The following ESRRB variants were observed in gnomAD, a reference collection of about 807,000 sequenced individuals.
ESRRB encodes the protein steroid hormone receptor ERR2.
In ESRRB, 16 loss-of-function variants were observed where a neutral mutation model predicts 46.0. The observed-to-expected ratio is 0.35, with a 90% confidence interval of 0.24 to 0.53. The LOEUF (loss-of-function observed/expected upper bound fraction) is 0.53, where lower values mean the gene tolerates loss of function less well. Ranked by LOEUF, ESRRB falls within the 20% of genes least tolerant of loss-of-function variation. The probability of loss-of-function intolerance (pLI) is 0.93; values close to 1 mark genes in which losing one functional copy is unlikely to be tolerated. For missense variants in ESRRB, 488 were observed against 607.4 expected, an observed-to-expected ratio of 0.80 and a Z score of 2.07; for synonymous variants, 246 against 259.6, an observed-to-expected ratio of 0.95 and a Z score of 0.50.
intron 3 of ESRRB, among the ~76,000 whole-genome samples, chr14:76,467,243 G>A (rs1204534776): frequency 1.3e-5 from 2 of 150,784 alleles, no homozygotes; most frequent in Admixed American, 1.3e-4. Context: ...GCTCATGCCT[G>A]TAATCCCAGC....
chr14:76,487,016 G>A (rs1293827596), intron 5 of ESRRB, among the ~76,000 whole-genome samples: 1 of 152,150 alleles, frequency 6.6e-6, no homozygotes, highest in Non-Finnish European at 1.5e-5. Context: ...CAGATGGGTC[G>A]AAATTAAGAG....
intron 1 of ESRRB, among the ~76,000 whole-genome samples, chr14:76,401,679 T>C (rs1164267444): frequency 1.3e-5 from 2 of 152,202 alleles, no homozygotes; most frequent in Non-Finnish European, 2.9e-5. Flanking sequence ...TACAGGTTTA[T>C]AGCCTAGGAG....
chr14:76,396,050 G>A (rs1244182096), intron 1 of ESRRB, among the ~76,000 whole-genome samples: 2 of 152,160 alleles, frequency 1.3e-5, no homozygotes, highest in Non-Finnish European at 2.9e-5. Context: ...GTGCGTGCCT[G>A]TAGTCCCAGC....
At chr14:76,396,590 G>A (rs927393638) in intron 1 of ESRRB, among the ~76,000 whole-genome samples, 5 of 152,204 alleles carry the variant, frequency 3.3e-5, no homozygotes, top group African/African-American at 1.2e-4. Flanking sequence ...AAATACAAAG[G>A]ATCCTTATGA....
At chr14:76,413,971 C>CT (rs1886562805) in intron 1 of ESRRB, among the ~76,000 whole-genome samples, 1 of 70,838 alleles carries the variant, frequency 1.4e-5, no homozygotes, top group Non-Finnish European at 2.8e-5. Flanking sequence ...TGCACCGTCC[C>CT]CGCCCCTGCA....
chr14:76,414,095 TCGCCCCTGCACCGTCCC>T (rs1225062140), intron 1 of ESRRB, among the ~76,000 whole-genome samples: 1 of 1,440 alleles, frequency 6.9e-4, no homozygotes, highest in Non-Finnish European at 1.1e-3. Context: ...GCACCATCCC[TCGCCCCTGCACCGTCCC>T]CGCCCCTGCA....
At chr14:76,370,320 C>T (rs965365982), upstream of ESRRB, among the ~76,000 whole-genome samples, 2 of 151,438 alleles carry the variant, frequency 1.3e-5, no homozygotes, top group Non-Finnish European at 2.9e-5. Context: ...ATTACTTGAA[C>T]TCGGGAGACG....
intron 5 of ESRRB, among the ~76,000 whole-genome samples, chr14:76,487,966 T>C (rs192367346): frequency 4.3e-4 from 65 of 152,320 alleles, no homozygotes; most frequent in African/African-American, 1.4e-3. Flanking sequence ...TATTTTATTT[T>C]TAATTTAATT....
At chr14:76,355,416 C>T (rs1884368139) in intron 1 of ESRRB, among the ~76,000 whole-genome samples, 1 of 152,170 alleles carries the variant, frequency 6.6e-6, no homozygotes, top group Non-Finnish European at 1.5e-5. Context: ...CAGCCCAAGC[C>T]TCACCACTCC....
chr14:76,402,530 C>A (rs1194949564), intron 1 of ESRRB, among the ~76,000 whole-genome samples: 2 of 152,136 alleles, frequency 1.3e-5, no homozygotes, highest in African/African-American at 4.8e-5. Flanking sequence ...TTGGGAAACA[C>A]CACCCTGGAG....
At chr14:76,367,423 G>A (rs1280552842), upstream of ESRRB, among the ~76,000 whole-genome samples, 2 of 152,058 alleles carry the variant, frequency 1.3e-5, no homozygotes, top group Non-Finnish European at 2.9e-5. Flanking sequence ...TGGATGTGGT[G>A]GCACACACCT....
At chr14:76,407,237 A>T (rs1886227152) in intron 1 of ESRRB, among the ~76,000 whole-genome samples, 1 of 152,236 alleles carries the variant, frequency 6.6e-6, no homozygotes, top group Admixed American at 6.5e-5. Flanking sequence ...TGAATTTAAC[A>T]AACTCTTTGG....
In ESRRB at chr14:76,435,227, A is replaced by G. The variant is rs147616511; in HGVS notation, c.51-4114A>G. 4.8e-4 allele frequency among the ~76,000 whole-genome samples: 73 copies of G among 152,322 alleles called. 1 individual carries two copies. In the East Asian group the frequency reaches 0.012, roughly 25 times the overall value. ...GCCTGGAAGGAATTTCAACCCAGAA[A>G]AGAAGCTGTGGCCCTCTGGGGGTCT... On this transcript the variant is annotated intron_variant, in intron 1 of 6. Transcript: ENST00000644823.
intron 2 of ESRRB, among the ~76,000 whole-genome samples, chr14:76,457,347 C>G (rs1466538322): frequency 6.6e-6 from 1 of 152,186 alleles, no homozygotes. Context: ...ATCCTGGAAT[C>G]CTTTGGTTGT....
intron 1 of ESRRB, among the ~76,000 whole-genome samples, chr14:76,357,138 C>A (rs1008347608): frequency 1.3e-4 from 20 of 151,722 alleles, no homozygotes; most frequent in Non-Finnish European, 2.5e-4. Context: ...ATCCACCACT[C>A]CTGCCCAGTG....
At chr14:76,416,272 G>A (rs1886695961) in intron 1 of ESRRB, among the ~76,000 whole-genome samples, 1 of 151,640 alleles carries the variant, frequency 6.6e-6, no homozygotes, top group South Asian at 2.1e-4. Flanking sequence ...AAGTAGCTGG[G>A]CTATAGGCGC....
intron 1 of ESRRB, among the ~76,000 whole-genome samples, chr14:76,326,230 GA>G (rs963991040): frequency 1.9e-4 from 29 of 150,844 alleles, no homozygotes; most frequent in African/African-American, 5.6e-4. Context: ...GAAACTAAGG[GA>G]AAAAAAAAGG....
intron 1 of ESRRB, among the ~76,000 whole-genome samples, chr14:76,386,442 T>C (rs906773527): frequency 5.4e-5 from 8 of 149,010 alleles, no homozygotes; most frequent in African/African-American, 2.0e-4. Flanking sequence ...TAATTCTAGG[T>C]TCGGTTTTTT....
At chr14:76,333,508 A>G (rs1278129782) in intron 1 of ESRRB, among the ~76,000 whole-genome samples, 1 of 133,324 alleles carries the variant, frequency 7.5e-6, no homozygotes, top group Non-Finnish European at 1.5e-5. Flanking sequence ...TGTTGTTGTC[A>G]GTGGAGACAA....
Sources: gnomAD v4.1 joint callset for allele counts (sites outside exome capture counted in the v4.1 genomes callset) on GRCh38, gnomAD v4.1.1 for gene constraint, MANE v1.5 for transcripts, NCBI Gene and HGNC (gene_info 2026-07-23, HGNC 2026-07-21) for gene names.